LONRF1: variants seen among roughly 807,000 people sequenced by gnomAD.
The protein encoded by LONRF1 is LON peptidase N-terminal domain and RING finger protein 1.
LONRF1 carries 37 observed loss-of-function variants against 85.8 expected under a neutral mutation model. The observed-to-expected ratio is 0.43, with a 90% CI of 0.33 to 0.57. The LOEUF (loss-of-function observed/expected upper bound fraction) is 0.57. Among genes scored for constraint, LONRF1 ranks in the 20% least tolerant of loss-of-function variants. LONRF1 has a pLI of 0.04. For synonymous variants in LONRF1, 517 were observed against 390.1 expected (o/e 1.33, Z -3.83); for missense variants, 1,036 against 978.0 (o/e 1.06, Z -0.79).
At chr8:12,741,025 T>C (rs1445158759) in intron 2 of LONRF1, 29 bp from the exon 3 acceptor site, 1 of 1,606,348 alleles carries the variant, frequency 6.2e-7, no homozygotes, top group South Asian at 1.1e-5. Flanking sequence ...TATAAAACCT[T>C]TGTGTTAAGA....
chr8:12,753,991 C>T (rs1005494093), intron 1 of LONRF1: 1 of 152,404 alleles, frequency 6.6e-6, no homozygotes, highest in Admixed American at 6.5e-5. Flanking sequence ...CAAGAGGAAC[C>T]AGTTCAGGCA....
Position 12,731,828 on chromosome 8 carries a change from T to G in LONRF1, c.1596A>C (p.Thr532=), listed in dbSNP as rs1798539816. The part of the protein sequence containing the change: ...EYLADRRYCV[T]QLLEELIVKY... ...TCACTATTAATTCTTCCAACAGCTG[T>G]GTGACACAGTACCTCCTATCTGCTA... Residue 532 remains threonine, a synonymous_variant, in exon 8 of 12, where the codon ACA becomes ACC. Coordinates refer to ENST00000398246, the MANE Select transcript of LONRF1 (RefSeq NM_152271.5). The G allele has an allele frequency of 6.2e-7, 1 of 1,612,924 alleles. No individual in the cohort carries two copies. Among genetic ancestry groups the G allele is most frequent in the African/African-American group, 1.3e-5 (1 of 75,004 alleles).
intron 1 of LONRF1, among the ~76,000 whole-genome samples, chr8:12,751,546 C>T (rs2117354717): frequency 6.6e-6 from 1 of 151,614 alleles, no homozygotes; most frequent in Non-Finnish European, 1.5e-5. Context: ...CTCATGCGAT[C>T]CGCCCGCCTC....
intron 1 of LONRF1, among the ~76,000 whole-genome samples, chr8:12,752,815 A>C (rs1027700466): frequency 2.0e-5 from 3 of 152,236 alleles, no homozygotes; most frequent in Non-Finnish European, 4.4e-5. Flanking sequence ...CAGATCACTA[A>C]ATCAGCAGTA....
intron 10 of LONRF1, 169 bp from the exon 11 acceptor site, chr8:12,726,048 T>C: frequency 1.7e-6 from 1 of 582,942 alleles, no homozygotes; most frequent in East Asian, 2.8e-5. Flanking sequence ...TTCTGTCTCA[T>C]ATAGGGCTGA....
rs1018452675 is a variant in LONRF1 at position 12,721,996 on chromosome 8, A to G, written c.*1100T>C. On this transcript the variant is annotated 3_prime_UTR_variant, in exon 12 of 12. Coordinates refer to ENST00000398246, the MANE Select transcript of LONRF1 (RefSeq NM_152271.5). ...AAATTACTTACATAAAAGAAAGTTAATAAGGACAGTCACAAATTTGCAACA... is the reference window on the plus strand; with the variant it reads ...AAATTACTTACATAAAAGAAAGTTAGTAAGGACAGTCACAAATTTGCAACA... The G allele has an allele frequency of 6.5e-6, 1 of 152,686 alleles. No individual in the cohort carries two copies. Among genetic ancestry groups the G allele is most frequent in the African/African-American group, 2.4e-5 (1 of 41,468 alleles). The allele number at this position is 152,686 out of a possible 1,614,324, so 9.5% of individuals were successfully genotyped here.
In LONRF1 at chr8:12,723,110, C is replaced by T; in HGVS notation, c.2308G>A (p.Asp770Asn). The T allele has an allele frequency of 6.2e-7, 1 of 1,611,378 alleles. No individual in the cohort carries two copies. The highest frequency in any genetic ancestry group is 2.2e-5 in the East Asian group (1 of 44,842). Residue 770 changes from aspartate (D) to asparagine (N), a missense_variant, in exon 12 of 12, where the codon GAC (aspartate) becomes AAC (asparagine). Around this residue, in one of 3 missense-constraint regions of LONRF1, gnomAD observed 265 missense variants for 301.5 expected, o/e 0.88. Coordinates refer to ENST00000398246, the MANE Select transcript of LONRF1 (RefSeq NM_152271.5). ...IQHILTYFSR[D>N]QSK ...CAAAGAGTTAGTTACTTAGATTGGT[C>T]TCTAGAAAAATAGGTCAGTATATGC...
At chr8:12,743,328 T>C in intron 1 of LONRF1, 46 bp from the exon 2 acceptor site, 1 of 1,120,448 alleles carries the variant, frequency 8.9e-7, no homozygotes, top group Non-Finnish European at 1.3e-6. Context: ...TAAAAGATTA[T>C]TACATAATCT....
chr8:12,754,474 C>G (rs1799547315), intron 1 of LONRF1: 1 of 419,770 alleles, frequency 2.4e-6, no homozygotes, highest in South Asian at 1.2e-4. Context: ...CCCCTCCCCG[C>G]GCCGCGTCAC....
chr8:12,737,573 G>A (rs1187741509), intron 4 of LONRF1, among the ~76,000 whole-genome samples: 2 of 152,044 alleles, frequency 1.3e-5, no homozygotes, highest in Admixed American at 1.3e-4. Context: ...TCAGGGACTT[G>A]AGCATCCTTG....
chr8:12,723,233 A>C lies in LONRF1; in HGVS notation c.2185T>G (p.Trp729Gly), dbSNP rs1805989718. 1 of 1,612,518 alleles carries C rather than the reference A, an allele frequency of 6.2e-7. No individual in the cohort carries two copies. Among genetic ancestry groups the C allele is most frequent in the Admixed American group, 1.7e-5 (1 of 59,570 alleles). The change falls in exon 12 of 12, where the codon TGG becomes GGG. Residue 729 changes from tryptophan (W) to glycine (G), a missense_variant. By Grantham distance (184) the Trp-to-Gly change is radical. This residue lies in a region of LONRF1 where 265 missense variants were observed against 301.5 expected (regional missense o/e 0.88). Transcript: ENST00000398246. Reference protein sequence around the residue: ...NLQAAPNGPAWCWWLLAVLPV... With the variant: ...NLQAAPNGPAGCWWLLAVLPV... Reference sequence around the variant, plus strand: ...AGAACTGCAAGAAGCCACCAACACCATGCAGGTCCATTAGGGGCTGCCTAA... The same window carrying C: ...AGAACTGCAAGAAGCCACCAACACCCTGCAGGTCCATTAGGGGCTGCCTAA...
At chr8:12,732,448 T>C (rs959087962) in intron 7 of LONRF1, among the ~76,000 whole-genome samples, 2 of 152,240 alleles carry the variant, frequency 1.3e-5, no homozygotes, top group African/African-American at 2.4e-5. Flanking sequence ...TATCAAGATA[T>C]TGCTTTTCCT....
In LONRF1 at chr8:12,737,049, G is replaced by T. The variant is rs1378004626; in HGVS notation, c.1205C>A (p.Pro402His). Residue 402 changes from proline to histidine, a missense_variant, in exon 5 of 12, where the codon CCT becomes CAT. Transcript: ENST00000398246. The stretch of plus-strand genomic sequence containing the variant: ...TCTTTTTAAACAGTCCTCTCTGGCA[G>T]GCATTTCTGTTGAATTTATAGACTG... The part of the protein sequence containing the change: ...SAQSINSTEM[P>H]AREDCLKRVS... The T allele has an allele frequency of 6.2e-7, 1 of 1,613,598 alleles. No homozygotes were observed. Among genetic ancestry groups the T allele is most frequent in the Non-Finnish European group, 8.5e-7 (1 of 1,179,704 alleles).
intron 7 of LONRF1, among the ~76,000 whole-genome samples, chr8:12,732,857 T>C (rs2117255345): frequency 6.6e-6 from 1 of 152,314 alleles, no homozygotes; most frequent in Middle Eastern, 3.4e-3. Context: ...TACATATTTA[T>C]TTCATAAAAT....
At chr8:12,725,641 A>T in intron 11 of LONRF1, 86 bp downstream of exon 11, 2 of 1,363,550 alleles carry the variant, frequency 1.5e-6, no homozygotes, top group South Asian at 2.7e-5. Context: ...GTAGTGCAGA[A>T]AGGACAATGA....
chr8:12,749,572 T>A (rs996558059), intron 1 of LONRF1, among the ~76,000 whole-genome samples: 1 of 152,190 alleles, frequency 6.6e-6, no homozygotes, highest in African/African-American at 2.4e-5. Flanking sequence ...AGTTAATATA[T>A]AAATAACTAG....
chr8:12,748,162 T>C (rs1385468365), intron 1 of LONRF1, among the ~76,000 whole-genome samples: 1 of 152,218 alleles, frequency 6.6e-6, no homozygotes, highest in Non-Finnish European at 1.5e-5. Context: ...GCCTTTTTAG[T>C]TATTTGCTAT....
rs753245466 is a variant in LONRF1 at position 12,731,724 on chromosome 8, G to C, written c.1688+12C>G. The C allele has an allele frequency of 8.7e-6, 14 of 1,604,232 alleles. No homozygotes were observed. Among genetic ancestry groups the C allele is most frequent in the South Asian group, 3.4e-5 (3 of 89,180 alleles). Reference sequence around the variant, plus strand: ...TAGTAGTTCATAATTTTTTTTATGAGAAGAAACTTACTGTGAGAGTTCAGC... The same window carrying C: ...TAGTAGTTCATAATTTTTTTTATGACAAGAAACTTACTGTGAGAGTTCAGC... On this transcript the variant is annotated intron_variant, in intron 8 of 11. Transcript: ENST00000398246.
intron 7 of LONRF1, among the ~76,000 whole-genome samples, chr8:12,732,484 T>C (rs1351061205): frequency 6.6e-6 from 1 of 152,166 alleles, no homozygotes; most frequent in African/African-American, 2.4e-5. Flanking sequence ...CCCAGCTCTA[T>C]ATAAAATCTT....
Sources: allele counts gnomAD v4.1 joint callset (sites outside exome capture counted in the v4.1 genomes callset), GRCh38; gene constraint gnomAD v4.1.1; regional missense constraint gnomAD v4.1.1; transcripts MANE v1.5; gene names NCBI Gene and HGNC (gene_info 2026-07-23, HGNC 2026-07-21).